Variants in LRRC17 observed in about 807,000 individuals in gnomAD.
LRRC17 encodes the protein leucine-rich repeat-containing protein 17.
Under a neutral mutation model 41.5 loss-of-function variants are expected in LRRC17, and 33 were observed. The observed-to-expected ratio is 0.80, with a 90% confidence interval of 0.60 to 1.06. The LOEUF (loss-of-function observed/expected upper bound fraction) is 1.06, where lower values mean the gene tolerates loss of function less well. Ranked by LOEUF, LRRC17 falls within the 50% of genes least tolerant of loss-of-function variation. The pLI is 0.00. For synonymous variants in LRRC17, 192 were observed against 197.0 expected, an observed-to-expected ratio of 0.97 and a Z score of 0.21; for missense variants, 491 against 519.3, an observed-to-expected ratio of 0.95 and a Z score of 0.53.
At chr7:102,929,347 T>C (rs966156061) in intron 1 of LRRC17, among the ~76,000 whole-genome samples, 10 of 152,112 alleles carry the variant, frequency 6.6e-5, no homozygotes, top group African/African-American at 2.4e-4. Flanking sequence ...TGAGACCATA[T>C]GTAGCTCAGA....
chr7:102,932,366 T>C (rs2129473250), intron 1 of LRRC17, among the ~76,000 whole-genome samples: 1 of 152,296 alleles, frequency 6.6e-6, no homozygotes, highest in East Asian at 1.9e-4. Flanking sequence ...CTACTTGGAT[T>C]CTAATTTATC....
chr7:102,932,296 GAACATTT>G (rs1405513860), intron 1 of LRRC17, among the ~76,000 whole-genome samples: 1 of 151,996 alleles, frequency 6.6e-6, no homozygotes, highest in Non-Finnish European at 1.5e-5. Context: ...ATTTTATTAT[GAACATTT>G]TCAAACATAC....
chr7:102,943,409 A>G (rs1265528265), intron 3 of LRRC17, among the ~76,000 whole-genome samples: 1 of 152,172 alleles, frequency 6.6e-6, no homozygotes, highest in African/African-American at 2.4e-5. Context: ...AGTAAAACTA[A>G]TCAAGGGAAA....
chr7:102,922,932 C>T (rs569557415), intron 1 of LRRC17, among the ~76,000 whole-genome samples: 3 of 152,010 alleles, frequency 2.0e-5, no homozygotes, highest in East Asian at 1.9e-4. Flanking sequence ...GAGCTGAGAT[C>T]GCGCCACTGC....
chr7:102,943,587 TATCACAGGCAATCCACTAAG>T (rs1369059976), intron 3 of LRRC17, among the ~76,000 whole-genome samples: 26 of 152,274 alleles, frequency 1.7e-4, no homozygotes, highest in Admixed American at 1.6e-3. Context: ...ATGTGACGCA[TATCACAGGCAATCCACTAAG>T]AGACTGCAAA....
intron 3 of LRRC17, 117 bp from the exon 4 acceptor site, chr7:102,944,093 C>G: frequency 1.2e-6 from 1 of 800,434 alleles, no homozygotes; most frequent in Non-Finnish European, 1.9e-6. Context: ...AAAGAAATCT[C>G]TTTATTTTCA....
chr7:102,923,544 C>T lies in LRRC17; in HGVS notation c.-140-10230C>T, dbSNP rs1487932467. ...CTTGCCTGTATAAGAATTTTAAGGCCGGGCGCGGTGGCTCACGCTTGTAAT... is the reference window on the plus strand; with the variant it reads ...CTTGCCTGTATAAGAATTTTAAGGCTGGGCGCGGTGGCTCACGCTTGTAAT... On this transcript the variant is annotated intron_variant, in intron 1 of 3. Transcript: ENST00000339431. Among the ~76,000 whole-genome samples, 7 of 152,088 alleles carry T rather than the reference C, an allele frequency of 4.6e-5. 1 individual carries two copies. Among genetic ancestry groups the T allele is most frequent in the South Asian group, 4.2e-4 (2 of 4,818 alleles).
Position 102,934,663 on chromosome 7 carries a change from A to C in LRRC17, c.750A>C (p.Gln250His), listed in dbSNP as rs777298387. 6.3e-7 allele frequency: 1 copy of C among 1,590,612 alleles called. No individual in the cohort carries two copies. The highest frequency in any genetic ancestry group is 8.5e-7 in the Non-Finnish European group (1 of 1,173,570). The change falls in exon 2 of 4, where the codon CAA becomes CAC. Residue 250 changes from glutamine (Q) to histidine (H), a missense_variant. By Grantham distance (24) the Gln-to-His change is conservative. Transcript: ENST00000339431. ...GCCACAATTATGTGTTTCCCATACA[A>C]ACACTGGACTGCAAAAGGAAAGGTT... ...TFCHNYVFPI[Q>H]TLDCKRKELK...
intron 2 of LRRC17, among the ~76,000 whole-genome samples, chr7:102,936,477 T>C (rs1820333452): frequency 6.6e-6 from 1 of 152,206 alleles, no homozygotes; most frequent in African/African-American, 2.4e-5. Context: ...AAAGAGTAAG[T>C]AAATGTAGTT....
chr7:102,944,262 T>C lies in LRRC17; in HGVS notation c.981T>C (p.Ser327=). Residue 327 remains serine, a synonymous_variant, in exon 4 of 4, where the codon AGT becomes AGC. Transcript: ENST00000339431. The part of the protein sequence containing the change: ...HLEELDLSNN[S]LQNFDYGVLE... ...AAGAATTAGATTTATCAAACAACAG[T>C]CTGCAAAACTTTGACTATGGCGTAT... 1.9e-6 allele frequency: 3 copies of C among 1,612,544 alleles called. No individual in the cohort carries two copies. The highest frequency in any genetic ancestry group is 2.5e-6 in the Non-Finnish European group (3 of 1,179,626).
rs765310457 is a variant in LRRC17 at position 102,933,788 on chromosome 7, G to A, written c.-126G>A. 2.0e-6 allele frequency: 2 copies of A among 992,368 alleles called. No homozygotes were observed. The highest frequency in any genetic ancestry group is 1.8e-5 in the South Asian group (1 of 54,236). 61.5% of individuals were successfully genotyped at this position (992,368 alleles called of 1,614,324 possible). On this transcript the variant is annotated 5_prime_UTR_variant, in exon 2 of 4. Coordinates refer to ENST00000339431, the MANE Select transcript of LRRC17 (RefSeq NM_001031692.3). ...TTCTCTTCCAGCCTAGGGACTCCAC[G>A]TACCCCAGCTGGGTCTCATTGTTCC...
Position 102,913,002 on chromosome 7 carries a change from T to C in LRRC17, c.-284T>C. On this transcript the variant is annotated 5_prime_UTR_variant, in exon 1 of 4. Coordinates refer to ENST00000339431, the MANE Select transcript of LRRC17 (RefSeq NM_001031692.3). ...GTGTGCTGCGGTCCGTGCACAGCAT[T>C]AGTATAACGTGAGGGCTGAATGCAG... 6.4e-7 allele frequency: 1 copy of C among 1,570,474 alleles called. No individual in the cohort carries two copies. The highest frequency in any genetic ancestry group is 8.7e-7 in the Non-Finnish European group (1 of 1,147,878).
At chr7:102,928,782 A>T (rs188942567) in intron 1 of LRRC17, among the ~76,000 whole-genome samples, 1 of 152,380 alleles carries the variant, frequency 6.6e-6, no homozygotes, top group Non-Finnish European at 1.5e-5. Context: ...AAACAACTTC[A>T]TTATAATGAC....
intron 1 of LRRC17, among the ~76,000 whole-genome samples, chr7:102,919,701 T>C (rs961565709): frequency 1.3e-5 from 2 of 152,186 alleles, no homozygotes; most frequent in Non-Finnish European, 2.9e-5. Context: ...AAAGATAAAA[T>C]ACAGAACATG....
intron 1 of LRRC17, among the ~76,000 whole-genome samples, chr7:102,927,963 G>A (rs1043240454): frequency 6.6e-6 from 1 of 152,224 alleles, no homozygotes; most frequent in African/African-American, 2.4e-5. Flanking sequence ...ATGAGATGGG[G>A]CAAGGAAAGG....
rs560529412 is a variant in LRRC17, at chr7:102,921,694, T to A, written c.-141+8549T>A. The stretch of plus-strand genomic sequence containing the variant: ...GATTCCATCTCAAAAAAAATAAAAA[T>A]AAAAAATAAAAGAAGCTCTGTTTTA... On this transcript the variant is annotated intron_variant, in intron 1 of 3. Transcript: ENST00000339431. 3.7e-3 allele frequency among the ~76,000 whole-genome samples: 565 copies of A among 150,950 alleles called. 5 individuals are homozygous for A. The highest frequency in any genetic ancestry group is 0.014 in the African/African-American group (558 of 41,180).
intron 1 of LRRC17, among the ~76,000 whole-genome samples, chr7:102,931,413 G>T (rs1473818426): frequency 6.6e-6 from 1 of 152,146 alleles, no homozygotes; most frequent in South Asian, 2.1e-4. Flanking sequence ...AGTCATATCT[G>T]CCTTTTACAA....
rs1048432432 is a variant in LRRC17, at chr7:102,931,989, G to C, written c.-140-1785G>C. ...TACATATTGCAAATGTTTAAACAAA[G>C]TTTTTCTATCTTACATTGAATGCAA... On this transcript the variant is annotated intron_variant, in intron 1 of 3. Coordinates refer to ENST00000339431, the MANE Select transcript of LRRC17 (RefSeq NM_001031692.3). 6 of 1,526,522 alleles carry C rather than the reference G, an allele frequency of 3.9e-6. No individual in the cohort carries two copies. The African/African-American group carries it at 8.2e-5, about 21-fold the overall frequency. 94.6% of individuals were successfully genotyped at this position (1,526,522 alleles called of 1,614,324 possible). A position where few individuals can be genotyped will look rare whatever the true frequency, so the allele number is the denominator to read the frequency against.
chr7:102,934,938 C>T (rs1204796473), intron 2 of LRRC17, among the ~76,000 whole-genome samples: 2 of 152,180 alleles, frequency 1.3e-5, no homozygotes, highest in Non-Finnish European at 2.9e-5. Flanking sequence ...TACTCATTTG[C>T]ACATCGCAAG....
Sources: gnomAD v4.1 joint callset for allele counts (sites outside exome capture counted in the v4.1 genomes callset) on GRCh38, gnomAD v4.1.1 for gene constraint, MANE v1.5 for transcripts, NCBI Gene and HGNC (gene_info 2026-07-23, HGNC 2026-07-21) for gene names.